INPP4B: variants seen among roughly 807,000 people sequenced by gnomAD.
The protein encoded by INPP4B is inositol polyphosphate 4-phosphatase type II.
Under a neutral mutation model 122.5 loss-of-function variants are expected in INPP4B, and 55 were observed. The observed-to-expected ratio is 0.45, with a 90% CI of 0.36 to 0.56. INPP4B has a LOEUF of 0.56. INPP4B is among the 20% of genes least tolerant of loss of function. The pLI, the probability that INPP4B is intolerant of heterozygous loss-of-function variation, is 0.00. For missense variants in INPP4B, 1,000 were observed against 1,097.7 expected (o/e 0.91, Z 1.26); for synonymous variants, 403 against 388.7 (o/e 1.04, Z -0.43).
At chr4:142,836,946 A>T (rs560517973) in intron 1 of INPP4B, among the ~76,000 whole-genome samples, 36 of 151,938 alleles carry the variant, frequency 2.4e-4, no homozygotes, top group African/African-American at 7.7e-4. Flanking sequence ...CGGGTGGATC[A>T]CTTGAGGTCA....
At chr4:142,770,577 C>T (rs1772890659) in intron 1 of INPP4B, among the ~76,000 whole-genome samples, 1 of 152,000 alleles carries the variant, frequency 6.6e-6, no homozygotes, top group South Asian at 2.1e-4. Context: ...TACCTTAGGT[C>T]AGAGTTTCTT....
intron 11 of INPP4B, among the ~76,000 whole-genome samples, chr4:142,252,994 G>C (rs988245609): frequency 6.6e-6 from 1 of 152,172 alleles, no homozygotes; most frequent in African/African-American, 2.4e-5. Context: ...ACGCTCCAGG[G>C]TATCGCCTAT....
chr4:142,559,396 G>T (rs759275003), intron 2 of INPP4B, among the ~76,000 whole-genome samples: 1 of 151,922 alleles, frequency 6.6e-6, no homozygotes, highest in Non-Finnish European at 1.5e-5. Context: ...AATGAATCAA[G>T]ATTCATTAAA....
rs76823547 is a variant in INPP4B, at chr4:142,323,871, A to C, written c.373-9109T>G. ...GGTGAGGGGTAGGGAGTCACTCTTC[A>C]ATCAAGTCAGAGATTGATCTGGGAC... On this transcript the variant is annotated intron_variant, in intron 7 of 25. Transcript: ENST00000262992. Among the ~76,000 whole-genome samples, 637 of 152,016 alleles carry C rather than the reference A, an allele frequency of 4.2e-3. 8 individuals carry two copies. Among genetic ancestry groups the C allele is most frequent in the African/African-American group, 0.014 (589 of 41,476 alleles).
At chr4:142,393,655 GC>G (rs1409086537) in intron 7 of INPP4B, among the ~76,000 whole-genome samples, 2 of 152,204 alleles carry the variant, frequency 1.3e-5, no homozygotes, top group Admixed American at 6.5e-5. Flanking sequence ...TGGATGAACT[GC>G]AACCACAAGA....
At chr4:142,798,715 C>T (rs1777604010) in intron 1 of INPP4B, among the ~76,000 whole-genome samples, 1 of 151,702 alleles carries the variant, frequency 6.6e-6, no homozygotes, top group Non-Finnish European at 1.5e-5. Flanking sequence ...ATGAGATAAA[C>T]TACTATATTT....
intron 23 of INPP4B, among the ~76,000 whole-genome samples, chr4:142,095,848 T>C (rs1781573348): frequency 6.6e-6 from 1 of 152,198 alleles, no homozygotes; most frequent in African/African-American, 2.4e-5. Flanking sequence ...ACAGCAGAAA[T>C]ATAACTGTTG....
chr4:142,634,041 AG>A (rs964457494), intron 2 of INPP4B, among the ~76,000 whole-genome samples: 1 of 149,668 alleles, frequency 6.7e-6, no homozygotes, highest in Non-Finnish European at 1.5e-5. Flanking sequence ...AAAAGGAGGG[AG>A]GTGGGGGGAA....
At chr4:142,254,875 G>T (rs1411707734) in intron 11 of INPP4B, among the ~76,000 whole-genome samples, 1 of 151,948 alleles carries the variant, frequency 6.6e-6, no homozygotes. Flanking sequence ...TACTCCTCGA[G>T]AAGAGCAACT....
intron 1 of INPP4B, among the ~76,000 whole-genome samples, chr4:142,732,412 TAATA>T (rs1375758622): frequency 6.6e-6 from 1 of 152,082 alleles, no homozygotes; most frequent in Non-Finnish European, 1.5e-5. Flanking sequence ...TCATTTCTTT[TAATA>T]AATGATGAAA....
intron 16 of INPP4B, among the ~76,000 whole-genome samples, chr4:142,162,060 G>A (rs1365134649): frequency 6.6e-6 from 1 of 151,614 alleles, no homozygotes; most frequent in Non-Finnish European, 1.5e-5. Flanking sequence ...ATAATTAAGT[G>A]TGCCTATAAT....
At chr4:142,338,622 T>C (rs1777660726) in intron 7 of INPP4B, among the ~76,000 whole-genome samples, 1 of 152,184 alleles carries the variant, frequency 6.6e-6, no homozygotes. Flanking sequence ...GGCTTTTGTT[T>C]TTCCTGCCTT....
intron 2 of INPP4B, among the ~76,000 whole-genome samples, chr4:142,643,715 A>G (rs968924859): frequency 1.3e-5 from 2 of 152,226 alleles, no homozygotes; most frequent in African/African-American, 2.4e-5. Flanking sequence ...AAAGCTTACC[A>G]TGAAAATACT....
chr4:142,655,879 TGTTA>T (rs1226329023), intron 2 of INPP4B, among the ~76,000 whole-genome samples: 7 of 152,246 alleles, frequency 4.6e-5, no homozygotes, highest in African/African-American at 1.4e-4. Context: ...GCAGACCTAC[TGTTA>T]GTTAGATGAC....
At chr4:142,307,311 C>T (rs1050151418) in intron 8 of INPP4B, among the ~76,000 whole-genome samples, 1 of 152,168 alleles carries the variant, frequency 6.6e-6, no homozygotes, top group Non-Finnish European at 1.5e-5. Flanking sequence ...ACACACTCCT[C>T]TATTCTCTAT....
rs186547652 is a variant in INPP4B at position 142,601,995 on chromosome 4, A to G, written c.-191+123844T>C. On this transcript the variant is annotated intron_variant, in intron 2 of 25. Coordinates refer to ENST00000262992, the MANE Select transcript of INPP4B (RefSeq NM_001101669.3). ...AAAAAAAAAAAAAAAAAAAAAATTA[A>G]CAAAAGAAAGGAAATAATAAAGATC... Among the ~76,000 whole-genome samples the G allele has an allele frequency of 2.4e-3, 360 of 151,176 alleles. 6 individuals are homozygous for G. The highest frequency in any genetic ancestry group is 0.018 in the East Asian group (94 of 5,152).
rs574336250 is a variant in INPP4B, at chr4:142,194,379, A to G, written c.1073-1184T>C. ...AAGAAATTTAAATATTTTCTAGTCC[A>G]GGGGATTTTAACCTAGGGCTAAGAC... On this transcript the variant is annotated intron_variant, in intron 14 of 25. Coordinates refer to ENST00000262992, the MANE Select transcript of INPP4B (RefSeq NM_001101669.3). Among the ~76,000 whole-genome samples the G allele has an allele frequency of 2.2e-4, 33 of 152,276 alleles. 1 individual carries two copies. The highest frequency in any genetic ancestry group is 4.4e-4 in the Non-Finnish European group (30 of 68,006).
chr4:142,144,015 T>C (rs1459595717), intron 18 of INPP4B, among the ~76,000 whole-genome samples: 1 of 151,962 alleles, frequency 6.6e-6, no homozygotes, highest in Non-Finnish European at 1.5e-5. Context: ...TATGTTGTAG[T>C]TTGACTCTAA....
chr4:142,150,076 G>A (rs1434993597), intron 17 of INPP4B, among the ~76,000 whole-genome samples: 1 of 152,188 alleles, frequency 6.6e-6, no homozygotes, highest in African/African-American at 2.4e-5. Context: ...CATACACAGA[G>A]GAAAGTTACC....
Sources: gnomAD v4.1 joint callset for allele counts (sites outside exome capture counted in the v4.1 genomes callset) on GRCh38, gnomAD v4.1.1 for gene constraint, MANE v1.5 for transcripts, NCBI Gene and HGNC (gene_info 2026-07-23, HGNC 2026-07-21) for gene names.